GPC6: variants seen among roughly 807,000 people sequenced by gnomAD.
GPC6 encodes glypican 6.
GPC6 carries 14 observed loss-of-function variants against 55.2 expected under a neutral mutation model. The observed-to-expected ratio is 0.25, with a 90% CI of 0.17 to 0.40. GPC6 has a LOEUF of 0.40. GPC6 is among the 10% of genes least tolerant of loss of function. The probability of loss-of-function intolerance (pLI) is 1.00; values close to 1 mark genes in which losing one functional copy is unlikely to be tolerated. For missense variants in GPC6, 641 were observed against 708.5 expected (o/e 0.90, Z 1.08); for synonymous variants, 278 against 259.6 (o/e 1.07, Z -0.68).
In GPC6 at chr13:93,562,695, G is replaced by C. The variant is rs373129480; in HGVS notation, c.319+17274G>C. On this transcript the variant is annotated intron_variant, in intron 2 of 8. Transcript: ENST00000377047. ...TTCTCAGAAGAAAATTAATTTTCTT[G>C]CCCAATAAATATGAAAATTCCTAAT... is the stretch of plus-strand genomic sequence containing the variant. Among the ~76,000 whole-genome samples, 4 of 152,150 alleles carry C rather than the reference G, an allele frequency of 2.6e-5. No homozygotes were observed. In the East Asian group the frequency reaches 7.7e-4, roughly 29 times the overall value.
intron 6 of GPC6, among the ~76,000 whole-genome samples, chr13:94,322,350 G>A (rs1053761978): frequency 6.6e-6 from 1 of 152,214 alleles, no homozygotes; most frequent in Non-Finnish European, 1.5e-5. Flanking sequence ...TCTCAGGTAT[G>A]TCTTAGCAGC....
At chr13:94,238,002 G>A (rs1329304605) in intron 4 of GPC6, among the ~76,000 whole-genome samples, 4 of 152,152 alleles carry the variant, frequency 2.6e-5, no homozygotes. Context: ...ATGCAGGATA[G>A]TTTTTGGAAG....
At chr13:93,390,999 G>A (rs1016162440) in intron 1 of GPC6, among the ~76,000 whole-genome samples, 4 of 151,846 alleles carry the variant, frequency 2.6e-5, no homozygotes, top group African/African-American at 9.7e-5. Context: ...CTTTTATTAT[G>A]GGGAAGAATC....
chr13:94,375,246 T>G (rs1021522307), intron 6 of GPC6, among the ~76,000 whole-genome samples: 37 of 151,982 alleles, frequency 2.4e-4, no homozygotes, highest in Admixed American at 2.4e-3. Flanking sequence ...ACACAAAAAA[T>G]TAATGAATCC....
At chr13:94,037,256 C>T (rs1288884961) in intron 4 of GPC6, among the ~76,000 whole-genome samples, 1 of 151,884 alleles carries the variant, frequency 6.6e-6, no homozygotes, top group Non-Finnish European at 1.5e-5. Context: ...ATCCCTGTGG[C>T]TGAATTTAAA....
chr13:93,455,360 T>C (rs879310641), intron 1 of GPC6, among the ~76,000 whole-genome samples: 2 of 152,088 alleles, frequency 1.3e-5, no homozygotes, highest in African/African-American at 2.4e-5. Flanking sequence ...AGTATGATTA[T>C]TTCCAAACGA....
chr13:93,620,721 A>G (rs1878915635), intron 2 of GPC6, among the ~76,000 whole-genome samples: 2 of 152,108 alleles, frequency 1.3e-5, no homozygotes, highest in Admixed American at 6.6e-5. Context: ...GCAACTGTTG[A>G]TTGATTGCAC....
intron 4 of GPC6, among the ~76,000 whole-genome samples, chr13:94,257,024 C>A (rs728573): frequency 0.19 from 28,481 of 152,134 alleles, 2,944 homozygotes; most frequent in East Asian, 0.28. Flanking sequence ...AGAACTCAAG[C>A]ATTCTCCTCA....
intron 3 of GPC6, among the ~76,000 whole-genome samples, chr13:93,996,933 G>T (rs7325185): frequency 1.5e-3 from 229 of 152,226 alleles, no homozygotes; most frequent in African/African-American, 5.4e-3. Flanking sequence ...ACTAAGTTTT[G>T]AATGAAATCA....
At chr13:93,341,063 A>G (rs774491201) in intron 1 of GPC6, among the ~76,000 whole-genome samples, 1 of 152,150 alleles carries the variant, frequency 6.6e-6, no homozygotes, top group Non-Finnish European at 1.5e-5. Context: ...GCTCCATCCA[A>G]GTTGCTGCAA....
At chr13:93,845,219 A>G (rs1201308802) in intron 3 of GPC6, among the ~76,000 whole-genome samples, 4 of 151,968 alleles carry the variant, frequency 2.6e-5, no homozygotes, top group South Asian at 2.1e-4. Context: ...GCAGCCAAAA[A>G]ACACATGAAA....
intron 2 of GPC6, among the ~76,000 whole-genome samples, chr13:93,770,484 A>T (rs1454619928): frequency 6.6e-6 from 1 of 152,076 alleles, no homozygotes; most frequent in African/African-American, 2.4e-5. Context: ...TTGAGCTGTG[A>T]TGTGTTATAT....
intron 6 of GPC6, among the ~76,000 whole-genome samples, chr13:94,346,171 C>A (rs9516399): frequency 0.23 from 35,119 of 152,140 alleles, 4,840 homozygotes; most frequent in Middle Eastern, 0.38. Context: ...TAACTAATTA[C>A]CTCTGCAAAG....
intron 1 of GPC6, among the ~76,000 whole-genome samples, chr13:93,421,921 G>C (rs1876937355): frequency 6.6e-6 from 1 of 152,144 alleles, no homozygotes; most frequent in Non-Finnish European, 1.5e-5. Flanking sequence ...CAGCCTAACT[G>C]ATAGAGTATT....
At chr13:94,369,584 T>C (rs1274508692) in intron 6 of GPC6, among the ~76,000 whole-genome samples, 1 of 152,226 alleles carries the variant, frequency 6.6e-6, no homozygotes, top group African/African-American at 2.4e-5. Flanking sequence ...TGGGATTTAT[T>C]CCATTTTTAA....
intron 1 of GPC6, among the ~76,000 whole-genome samples, chr13:93,335,171 C>G (rs992578662): frequency 6.6e-6 from 1 of 152,152 alleles, no homozygotes; most frequent in Admixed American, 6.5e-5. Flanking sequence ...ATAGTTAGTT[C>G]TGTATGCAAT....
chr13:94,297,455 TC>T (rs1195352605), intron 5 of GPC6, among the ~76,000 whole-genome samples: 2 of 152,156 alleles, frequency 1.3e-5, no homozygotes, highest in African/African-American at 4.8e-5. Flanking sequence ...TTTTTTCCTC[TC>T]CACACTCAAA....
chr13:93,587,995 C>T (rs1566437744), intron 2 of GPC6, among the ~76,000 whole-genome samples: 1 of 152,164 alleles, frequency 6.6e-6, no homozygotes, highest in Non-Finnish European at 1.5e-5. Context: ...CTTTTAGCCT[C>T]CCTCCCATAC....
intron 2 of GPC6, among the ~76,000 whole-genome samples, chr13:93,556,334 CTTATT>C (rs528247227): frequency 7.9e-4 from 116 of 146,708 alleles, no homozygotes; most frequent in African/African-American, 2.7e-3. Flanking sequence ...AGCGCAGTAT[CTTATT>C]TTATTTTTTT....
Sources: allele counts gnomAD v4.1 joint callset (sites outside exome capture counted in the v4.1 genomes callset), GRCh38; gene constraint gnomAD v4.1.1; transcripts MANE v1.5; gene names NCBI Gene and HGNC (gene_info 2026-07-23, HGNC 2026-07-21).